MCM7: variants seen among roughly 807,000 people sequenced by gnomAD.
The protein encoded by MCM7 is minichromosome maintenance complex component 7, also known as DNA replication licensing factor MCM7.
Under a neutral mutation model 83.5 loss-of-function variants are expected in MCM7, and 95 were observed. The ratio of observed to expected loss-of-function variants is 1.14; its 90% CI spans 0.96 to 1.35. The LOEUF (loss-of-function observed/expected upper bound fraction) is 1.35, where lower values mean the gene tolerates loss of function less well. Among genes scored for constraint, MCM7 ranks in the 40% most tolerant of loss-of-function variants. The pLI, the probability that MCM7 is intolerant of heterozygous loss-of-function variation, is 0.00. For synonymous variants in MCM7, 461 were observed against 352.7 expected, an observed-to-expected ratio of 1.31 and a Z score of -3.44; for missense variants, 1,087 against 957.4, an observed-to-expected ratio of 1.14 and a Z score of -1.79.
intron 7 of MCM7, 43 bp from the exon 8 acceptor site, chr7:100,097,991 C>T (rs377177062): frequency 2.5e-6 from 4 of 1,597,548 alleles, no homozygotes; most frequent in East Asian, 2.2e-5. Context: ...ATCCCTTCAA[C>T]TTGCCCATCA....
intron 1 of MCM7, chr7:100,100,484 G>T (rs149500600): frequency 1.1e-6 from 1 of 928,934 alleles, no homozygotes; most frequent in Non-Finnish European, 1.3e-6. Flanking sequence ...ACCGCACCCC[G>T]CCACCGCACC....
chr7:100,100,342 T>C (rs1795908323), intron 1 of MCM7: 1 of 1,163,118 alleles, frequency 8.6e-7, no homozygotes, highest in African/African-American at 1.6e-5. Flanking sequence ...CCTACTTTAG[T>C]TTAAAATTCT....
chr7:100,095,453 G>C lies in MCM7; in HGVS notation c.1613C>G (p.Thr538Ser), dbSNP rs1461113309. Reference protein sequence around the residue: ...DNDLRLAQHITYVHQHSRQPP... With the variant: ...DNDLRLAQHISYVHQHSRQPP... ...CTGCCGGCTGTGCTGGTGCACATAG[G>C]TGATGTGCTGGGCCAACCTGGACAG... Residue 538 changes from threonine (T) to serine (S), a missense_variant, in exon 12 of 15, where the codon ACC becomes AGC. Transcript: ENST00000303887. 1 of 1,614,152 alleles carries C rather than the reference G, an allele frequency of 6.2e-7. No homozygotes were observed. Among genetic ancestry groups the C allele is most frequent in the South Asian group, 1.1e-5 (1 of 91,054 alleles).
intron 1 of MCM7, 52 bp downstream of exon 1, chr7:100,101,212 T>C (rs1796005092): frequency 6.2e-7 from 1 of 1,608,420 alleles, no homozygotes; most frequent in Non-Finnish European, 8.5e-7. Context: ...CAACAGGTGT[T>C]CCCCGGGAGG....
At chr7:100,095,015 C>T (rs1795543141) in intron 12 of MCM7, among the ~76,000 whole-genome samples, 1 of 152,104 alleles carries the variant, frequency 6.6e-6, no homozygotes, top group Non-Finnish European at 1.5e-5. Flanking sequence ...CTGCTCTCTA[C>T]TAAAATACAA....
Position 100,101,375 on chromosome 7 carries a change from A to C in MCM7, c.-81T>G. The C allele has an allele frequency of 3.1e-6, 5 of 1,588,870 alleles. No homozygotes were observed. Among genetic ancestry groups the C allele is most frequent in the African/African-American group, 2.7e-5 (2 of 74,626 alleles). On this transcript the variant is annotated 5_prime_UTR_variant, in exon 1 of 15. Transcript: ENST00000303887. ...GAAGCTGAGAATCTCCGCGCGGTGG[A>C]CTGTGGCCGGCCAACCGAAATTGGC...
intron 10 of MCM7, among the ~76,000 whole-genome samples, chr7:100,097,006 C>T (rs1795672296): frequency 6.6e-6 from 1 of 152,148 alleles, no homozygotes; most frequent in Non-Finnish European, 1.5e-5. Flanking sequence ...GAGGCTGAGG[C>T]AGGAGAATGG....
rs370870015 is a variant in MCM7, at chr7:100,099,097, C to T, written c.508G>A (p.Val170Ile). 2.5e-6 allele frequency: 4 copies of T among 1,614,058 alleles called. No individual in the cohort carries two copies. The African/African-American group carries it at 5.3e-5, about 22-fold the overall frequency. Residue 170 changes from valine to isoleucine, a missense_variant, in exon 5 of 15, where the codon GTC becomes ATC. By Grantham distance (29) the Val-to-Ile change is conservative. Transcript: ENST00000303887. ...LVTVRGIVTR[V>I]SEVKPKMVVA... is the part of the protein sequence containing the mutation. ...ACCATCTTGGGTTTGACTTCAGAGACACGAGTGACGATTCCACGCACAGTT... is the reference window on the plus strand; with the variant it reads ...ACCATCTTGGGTTTGACTTCAGAGATACGAGTGACGATTCCACGCACAGTT...
In MCM7 at chr7:100,094,153, C is replaced by G. The variant is rs752920645; in HGVS notation, c.1848+20G>C. Reference sequence around the variant, plus strand: ...TTTAAGGGTCAAAACAGATGGCCCTCCAGCAATTTGGGCACTTACCAGAGC... The same window carrying G: ...TTTAAGGGTCAAAACAGATGGCCCTGCAGCAATTTGGGCACTTACCAGAGC... On this transcript the variant is annotated intron_variant, in intron 13 of 14. Coordinates refer to ENST00000303887, the MANE Select transcript of MCM7 (RefSeq NM_005916.5). The G allele has an allele frequency of 6.2e-7, 1 of 1,614,080 alleles. No homozygotes were observed. The highest frequency in any genetic ancestry group is 1.1e-5 in the South Asian group (1 of 91,080).
In MCM7 at chr7:100,094,332, T is replaced by C; in HGVS notation, c.1689A>G (p.Ile563Met). Reference sequence around the variant, plus strand: ...TGGGCTGCTTCTCGCGGCACATGGCTATGTAACGCCTGTGGGGGAAGGTTC... The same window carrying C: ...TGGGCTGCTTCTCGCGGCACATGGCCATGTAACGCCTGTGGGGGAAGGTTC... ...PLDMKLMRRY[I>M]AMCREKQPMV... Residue 563 changes from isoleucine (I) to methionine (M), a missense_variant, in exon 13 of 15, where the codon ATA (isoleucine) becomes ATG (methionine). Transcript: ENST00000303887. 1 of 1,614,050 alleles carries C rather than the reference T, an allele frequency of 6.2e-7. No homozygotes were observed. Among genetic ancestry groups the C allele is most frequent in the Non-Finnish European group, 8.5e-7 (1 of 1,180,036 alleles).
intron 1 of MCM7, chr7:100,100,846 C>T: frequency 8.8e-6 from 9 of 1,018,652 alleles, no homozygotes; most frequent in Non-Finnish European, 9.4e-6. Context: ...GCAGCGGCCC[C>T]GGCCTGCCCG....
chr7:100,093,362 C>T lies in MCM7; in HGVS notation c.1888G>A (p.Val630Met). The T allele has an allele frequency of 6.2e-7, 1 of 1,614,184 alleles. No homozygotes were observed. Among genetic ancestry groups the T allele is most frequent in the Non-Finnish European group, 8.5e-7 (1 of 1,180,040 alleles). The stretch of plus-strand genomic sequence containing the variant: ...TCCATTAGCCTGATGGCTTCATTCA[C>T]ATCTTCTTTCTCCACCACATCCACC... ...RMVDVVEKED[V>M]NEAIRLMEMS... The change falls in exon 14 of 15, where the codon GTG becomes ATG. Residue 630 changes from valine (V) to methionine (M), a missense_variant. Transcript: ENST00000303887.
chr7:100,098,099 G>A (rs1795741271), intron 7 of MCM7, 42 bp downstream of exon 7: 4 of 1,608,176 alleles, frequency 2.5e-6, no homozygotes, highest in African/African-American at 1.3e-5. Context: ...GTAGGTGAGG[G>A]AAAAGGGGAT....
chr7:100,096,002 G>T lies in MCM7; in HGVS notation c.1367C>A (p.Thr456Lys). Residue 456 changes from threonine to lysine, a missense_variant, in exon 11 of 15, where the codon ACA (threonine) becomes AAA (lysine). Thr to Lys is a moderately conservative substitution (Grantham distance 78). Coordinates refer to ENST00000303887, the MANE Select transcript of MCM7 (RefSeq NM_005916.5). ...CTGCTCCATGACCTCGTGGATGGCTGTGCGGTCGGCCTCAGCCATCTTGTC... is the reference window on the plus strand; with the variant it reads ...CTGCTCCATGACCTCGTGGATGGCTTTGCGGTCGGCCTCAGCCATCTTGTC... ...EFDKMAEADR[T>K]AIHEVMEQQT... The T allele has an allele frequency of 6.2e-7, 1 of 1,614,068 alleles. No homozygotes were observed. Among genetic ancestry groups the T allele is most frequent in the Non-Finnish European group, 8.5e-7 (1 of 1,180,012 alleles).
intron 5 of MCM7, 132 bp from the exon 6 acceptor site, chr7:100,098,847 G>C: frequency 7.2e-7 from 1 of 1,390,504 alleles, no homozygotes; most frequent in South Asian, 1.3e-5. Context: ...ACTTACTCTG[G>C]GTCAACAACA....
intron 10 of MCM7, 121 bp downstream of exon 10, chr7:100,097,180 G>A: frequency 1.2e-6 from 1 of 816,608 alleles, no homozygotes; most frequent in Non-Finnish European, 2.0e-6. Flanking sequence ...TGATTCTCCT[G>A]CCTCAGCCTC....
intron 5 of MCM7, 84 bp from the exon 6 acceptor site, chr7:100,098,799 TC>T (rs1379921816): frequency 2.6e-6 from 4 of 1,553,208 alleles, no homozygotes; most frequent in Non-Finnish European, 3.5e-6. Flanking sequence ...CATTTTCTCT[TC>T]ATGGCAGACA....
chr7:100,097,419 T>C (rs573014519), intron 9 of MCM7, 35 bp from the exon 10 acceptor site: 10 of 1,607,882 alleles, frequency 6.2e-6, no homozygotes, highest in African/African-American at 2.7e-5. Flanking sequence ...GAATGACTCT[T>C]CTCCCAGTGC....
intron 10 of MCM7, among the ~76,000 whole-genome samples, chr7:100,096,861 G>C (rs533916691): frequency 2.0e-5 from 3 of 151,572 alleles, no homozygotes; most frequent in South Asian, 4.2e-4. Context: ...CCAGCACTTT[G>C]GGAGGCCGAG....
Sources: gnomAD v4.1 joint callset for allele counts (sites outside exome capture counted in the v4.1 genomes callset) on GRCh38, gnomAD v4.1.1 for gene constraint, MANE v1.5 for transcripts, NCBI Gene and HGNC (gene_info 2026-07-23, HGNC 2026-07-21) for gene names.